RHOJ: variants seen among roughly 807,000 people sequenced by gnomAD.
RHOJ encodes rho-related GTP-binding protein RhoJ.
In RHOJ, 11 loss-of-function variants were observed where a neutral mutation model predicts 23.4. The observed-to-expected ratio is 0.47, with a 90% CI of 0.30 to 0.78. The LOEUF (loss-of-function observed/expected upper bound fraction) is 0.78. Ranked by LOEUF, RHOJ falls within the 30% of genes least tolerant of loss-of-function variation. The pLI is 0.08. For missense variants in RHOJ, 254 were observed against 273.4 expected, an observed-to-expected ratio of 0.93 and a Z score of 0.50; for synonymous variants, 102 against 102.7, an observed-to-expected ratio of 0.99 and a Z score of 0.04.
chr14:63,233,880 C>T (rs1894740867), intron 1 of RHOJ, among the ~76,000 whole-genome samples: 1 of 152,188 alleles, frequency 6.6e-6, no homozygotes, highest in Admixed American at 6.5e-5. Flanking sequence ...TCCAGCAGCT[C>T]CCAACCGTTC....
At chr14:63,269,756 AG>A (rs1895432671) in intron 2 of RHOJ, among the ~76,000 whole-genome samples, 1 of 152,234 alleles carries the variant, frequency 6.6e-6, no homozygotes, top group Admixed American at 6.5e-5. Context: ...TCACTTTGTC[AG>A]GACTGTTTCT....
chr14:63,207,035 CTTTTTT>C (rs200555463), intron 1 of RHOJ, among the ~76,000 whole-genome samples: 2 of 141,072 alleles, frequency 1.4e-5, no homozygotes, highest in East Asian at 4.1e-4. Context: ...CTTTTCTTTT[CTTTTTT>C]TTTTTTTTGA....
chr14:63,281,954 AT>A (rs1322063251), intron 3 of RHOJ, among the ~76,000 whole-genome samples: 2 of 152,174 alleles, frequency 1.3e-5, no homozygotes, highest in South Asian at 2.1e-4. Context: ...GAACAAGAGA[AT>A]TTTTTAACAC....
At chr14:63,278,332 C>T (rs2139662286) in intron 2 of RHOJ, among the ~76,000 whole-genome samples, 1 of 152,266 alleles carries the variant, frequency 6.6e-6, no homozygotes, top group Middle Eastern at 3.4e-3. Context: ...TGCCCACCAA[C>T]AGGAGTGGAC....
At chr14:63,226,704 A>T (rs190121408) in intron 1 of RHOJ, among the ~76,000 whole-genome samples, 12 of 151,996 alleles carry the variant, frequency 7.9e-5, no homozygotes, top group Admixed American at 5.9e-4. Context: ...TCAAGAAAAA[A>T]AAAATATCCT....
intron 2 of RHOJ, among the ~76,000 whole-genome samples, chr14:63,270,260 C>T (rs1478485403): frequency 6.8e-6 from 1 of 146,644 alleles, no homozygotes; most frequent in Admixed American, 6.9e-5. Context: ...ATGGAATTCT[C>T]TTTGGGGATT....
At chr14:63,273,765 T>C (rs979572168) in intron 2 of RHOJ, among the ~76,000 whole-genome samples, 1 of 152,200 alleles carries the variant, frequency 6.6e-6, no homozygotes, top group Admixed American at 6.5e-5. Context: ...GATGGGCATA[T>C]CTCAGACACA....
At chr14:63,207,016 ATTTCT>A (rs1307778498) in intron 1 of RHOJ, among the ~76,000 whole-genome samples, 12 of 149,018 alleles carry the variant, frequency 8.1e-5, no homozygotes, top group African/African-American at 2.2e-4. Flanking sequence ...TGAAGTGGTC[ATTTCT>A]TTTCTTTTCT....
At chr14:63,205,197 CTTGA>C in intron 1 of RHOJ, 150 bp downstream of exon 1, 1 of 761,772 alleles carries the variant, frequency 1.3e-6, no homozygotes. Flanking sequence ...CAACCCAGGA[CTTGA>C]CTGTTGGTAG....
chr14:63,255,202 C>T (rs1366119939), intron 1 of RHOJ, among the ~76,000 whole-genome samples: 1 of 152,160 alleles, frequency 6.6e-6, no homozygotes, highest in Non-Finnish European at 1.5e-5. Context: ...GTTCTTCCCA[C>T]AGCAGGTCCC....
intron 1 of RHOJ, among the ~76,000 whole-genome samples, chr14:63,252,224 G>A (rs1195933269): frequency 6.6e-6 from 1 of 152,156 alleles, no homozygotes; most frequent in Non-Finnish European, 1.5e-5. Context: ...CCTGGCTCAT[G>A]AGCCCTTCCA....
chr14:63,270,139 T>C (rs1198217832), intron 2 of RHOJ, among the ~76,000 whole-genome samples: 1 of 151,946 alleles, frequency 6.6e-6, no homozygotes, highest in Non-Finnish European at 1.5e-5. Flanking sequence ...TTCCTGGGAA[T>C]TGTTATTTGT....
intron 1 of RHOJ, among the ~76,000 whole-genome samples, chr14:63,238,163 A>G (rs542288796): frequency 2.6e-5 from 4 of 152,340 alleles, no homozygotes; most frequent in African/African-American, 9.6e-5. Context: ...CAATTCAGGT[A>G]TATTTAGAAA....
At chr14:63,224,378 C>T (rs904386093) in intron 1 of RHOJ, among the ~76,000 whole-genome samples, 1 of 152,166 alleles carries the variant, frequency 6.6e-6, no homozygotes, top group Admixed American at 6.5e-5. Context: ...TACTGTAACT[C>T]ATGCGCACGG....
At chr14:63,257,199 C>T (rs1003300791) in intron 1 of RHOJ, among the ~76,000 whole-genome samples, 6 of 140,278 alleles carry the variant, frequency 4.3e-5, no homozygotes, top group Non-Finnish European at 9.1e-5. Flanking sequence ...AATCGCACCA[C>T]TGTACTCCAG....
At chr14:63,283,293 A>T in intron 4 of RHOJ, 77 bp downstream of exon 4, 1 of 1,207,706 alleles carries the variant, frequency 8.3e-7, no homozygotes, top group Non-Finnish European at 1.2e-6. Flanking sequence ...ATGGGTGTGC[A>T]ACACTGGGTT....
chr14:63,223,980 A>G (rs998806738), intron 1 of RHOJ, among the ~76,000 whole-genome samples: 2 of 152,180 alleles, frequency 1.3e-5, no homozygotes, highest in Admixed American at 6.5e-5. Flanking sequence ...GAAACCAGGT[A>G]TTTAGGAAAT....
intron 1 of RHOJ, among the ~76,000 whole-genome samples, chr14:63,244,877 T>C (rs1594763090): frequency 3.3e-5 from 5 of 152,360 alleles, no homozygotes; most frequent in Admixed American, 3.3e-4. Flanking sequence ...TTGATGTCAT[T>C]ATTCTTGTCT....
intron 1 of RHOJ, among the ~76,000 whole-genome samples, chr14:63,216,099 T>TA (rs1271096587): frequency 2.0e-5 from 3 of 152,172 alleles, no homozygotes; most frequent in African/African-American, 4.8e-5. Flanking sequence ...TTAAAACTTG[T>TA]AAAAAAATTG....
Sources: gnomAD v4.1 joint callset for allele counts (sites outside exome capture counted in the v4.1 genomes callset) on GRCh38, gnomAD v4.1.1 for gene constraint, MANE v1.5 for transcripts, NCBI Gene and HGNC (gene_info 2026-07-23, HGNC 2026-07-21) for gene names.